Variants in TUBB3 observed in about 807,000 individuals in gnomAD.
The protein encoded by TUBB3 is tubulin beta 3 class III, also known as tubulin beta-3 chain.
A neutral mutation model predicts 37.8 loss-of-function variants in TUBB3; 17 were observed. That is an observed-to-expected ratio of 0.45 (90% CI 0.31 to 0.67). The LOEUF is 0.67. Ranked by LOEUF, TUBB3 falls within the 30% of genes least tolerant of loss-of-function variation. The probability of loss-of-function intolerance (pLI) is 0.07; values close to 1 mark genes in which losing one functional copy is unlikely to be tolerated. For missense variants in TUBB3, 262 were observed against 657.9 expected (o/e 0.40, Z 6.58); for synonymous variants, 332 against 278.9 (o/e 1.19, Z -1.90).
At chr16:89,933,431 C>T (rs375979624) in intron 2 of TUBB3, 37 bp from the exon 3 acceptor site, 2 of 1,527,434 alleles carry the variant, frequency 1.3e-6, no homozygotes, top group African/African-American at 2.7e-5. Flanking sequence ...CTCTGGCCCT[C>T]TGTGACCCGA....
chr16:89,931,385 G>C (rs1191259227), intron 1 of TUBB3, among the ~76,000 whole-genome samples: 2 of 152,246 alleles, frequency 1.3e-5, no homozygotes, highest in Non-Finnish European at 2.9e-5. Context: ...CTCCTGAGGA[G>C]TAAGGGCAAG....
chr16:89,927,723 T>C (rs925099711), intron 1 of TUBB3, among the ~76,000 whole-genome samples: 1 of 152,248 alleles, frequency 6.6e-6, no homozygotes, highest in Non-Finnish European at 1.5e-5. Context: ...CACGTTCATC[T>C]CACAGATGAG....
chr16:89,923,332 G>T, upstream of TUBB3: 2 of 1,344,152 alleles, frequency 1.5e-6, no homozygotes, highest in Non-Finnish European at 1.9e-6. Flanking sequence ...CGCGGCCGCG[G>T]TCCCCGACCC....
chr16:89,925,785 CTG>C (rs952892804), intron 1 of TUBB3, among the ~76,000 whole-genome samples: 3 of 152,218 alleles, frequency 2.0e-5, no homozygotes, highest in Non-Finnish European at 4.4e-5. Context: ...GCTTCCCTGT[CTG>C]GGGTCCTCGG....
At position 89,935,365 on chromosome 16, in the gene TUBB3, C is replaced by T; in HGVS notation, c.914C>T (p.Pro305Leu). 1.9e-6 allele frequency: 3 copies of T among 1,614,080 alleles called. No individual in the cohort carries two copies. The highest frequency in any genetic ancestry group is 2.5e-6 in the Non-Finnish European group (3 of 1,180,034). The change falls in exon 4 of 4, where the codon CCG (proline) becomes CTG (leucine). Residue 305 changes from proline to leucine, a missense_variant. Physicochemically the swap from Pro to Leu is moderately conservative, Grantham distance 98. Coordinates refer to ENST00000315491, the MANE Select transcript of TUBB3 (RefSeq NM_006086.4). Reference protein sequence around the residue: ...DAKNMMAACDPRHGRYLTVAT... With the variant: ...DAKNMMAACDLRHGRYLTVAT... ...AAGAACATGATGGCCGCCTGCGACC[C>T]GCGCCACGGCCGCTACCTGACGGTG...
intron 1 of TUBB3, among the ~76,000 whole-genome samples, chr16:89,926,117 G>T (rs1241604449): frequency 6.6e-6 from 1 of 152,152 alleles, no homozygotes; most frequent in South Asian, 2.1e-4. Context: ...CCCCACTGCC[G>T]CAGAGCTGAA....
intron 1 of TUBB3, among the ~76,000 whole-genome samples, chr16:89,931,233 C>T (rs2030268107): frequency 6.6e-6 from 1 of 152,222 alleles, no homozygotes; most frequent in African/African-American, 2.4e-5. Flanking sequence ...GCTGGGATTA[C>T]AGTCATGAGC....
At chr16:89,928,877 T>G (rs1018895036) in intron 1 of TUBB3, among the ~76,000 whole-genome samples, 1 of 152,010 alleles carries the variant, frequency 6.6e-6, no homozygotes, top group African/African-American at 2.4e-5. Context: ...TTGGTCAGGC[T>G]GGTCTCGAAC....
At chr16:89,934,461 C>G (rs959243749) in intron 3 of TUBB3, 1 of 618,888 alleles carries the variant, frequency 1.6e-6, no homozygotes, top group African/African-American at 1.8e-5. Flanking sequence ...TCCATTCACC[C>G]AGGATCCCCT....
chr16:89,925,150 C>T (rs560641761), intron 1 of TUBB3, among the ~76,000 whole-genome samples: 9 of 152,186 alleles, frequency 5.9e-5, no homozygotes, highest in South Asian at 2.1e-4. Flanking sequence ...TGAGGCTCCA[C>T]GGGTAGCAGA....
At chr16:89,923,280 ACAT>A, upstream of TUBB3, 2 of 736,888 alleles carry the variant, frequency 2.7e-6, no homozygotes, top group Non-Finnish European at 3.7e-6. Context: ...ACCCGCGGTG[ACAT>A]CAGCCGATGC....
chr16:89,930,254 G>A (rs1180207700), intron 1 of TUBB3, among the ~76,000 whole-genome samples: 3 of 151,098 alleles, frequency 2.0e-5, no homozygotes, highest in Admixed American at 6.6e-5. Flanking sequence ...ACAGGTGCGC[G>A]CCACCATGCC....
At position 89,935,354 on chromosome 16, in the gene TUBB3, C is replaced by T. The variant is rs143913140; in HGVS notation, c.903C>T (p.Ala301=). ...TGTTCGATGCCAAGAACATGATGGCCGCCTGCGACCCGCGCCACGGCCGCT... is the reference window on the plus strand; with the variant it reads ...TGTTCGATGCCAAGAACATGATGGCTGCCTGCGACCCGCGCCACGGCCGCT... ...QQMFDAKNMM[A]ACDPRHGRYL... The change falls in exon 4 of 4, where the codon GCC becomes GCT. Residue 301 remains alanine (A), a synonymous_variant. Coordinates refer to ENST00000315491, the MANE Select transcript of TUBB3 (RefSeq NM_006086.4). 29 of 1,613,994 alleles carry T rather than the reference C, an allele frequency of 1.8e-5. No individual in the cohort carries two copies. Among genetic ancestry groups the T allele is most frequent in the African/African-American group, 1.2e-4 (9 of 75,070 alleles).
chr16:89,934,342 G>A (rs1383205330), intron 3 of TUBB3: 4 of 487,034 alleles, frequency 8.2e-6, no homozygotes, highest in African/African-American at 5.8e-5. Flanking sequence ...CATCCAGCTG[G>A]TAGATGCCAA....
At chr16:89,924,468 G>T (rs534407894) in intron 1 of TUBB3, among the ~76,000 whole-genome samples, 3 of 152,074 alleles carry the variant, frequency 2.0e-5, no homozygotes, top group South Asian at 4.2e-4. Flanking sequence ...AGGGGATCGG[G>T]GGGGGAGGCT....
chr16:89,930,546 C>T (rs1380973155), intron 1 of TUBB3, among the ~76,000 whole-genome samples: 1 of 151,770 alleles, frequency 6.6e-6, no homozygotes, highest in African/African-American at 2.4e-5. Context: ...GCCTCAGCTT[C>T]CGGAGTAGCT....
intron 2 of TUBB3, chr16:89,932,920 G>A (rs1372871039): frequency 1.8e-5 from 10 of 565,468 alleles, no homozygotes; most frequent in Non-Finnish European, 2.9e-5. Context: ...GGGCCTGTGC[G>A]TGTCCAGGGG....
chr16:89,931,965 C>A, intron 1 of TUBB3: 1 of 303,512 alleles, frequency 3.3e-6, no homozygotes, highest in East Asian at 8.1e-5. Flanking sequence ...TTTGGGACCC[C>A]AAGGACCCTT....
intron 3 of TUBB3, 47 bp from the exon 4 acceptor site, chr16:89,934,682 T>G (rs1479567046): frequency 6.3e-7 from 1 of 1,585,258 alleles, no homozygotes; most frequent in Non-Finnish European, 8.6e-7. Context: ...AGGTCTGGAC[T>G]GCAGAGTCCC....
Sources: gnomAD v4.1 joint callset for allele counts (sites outside exome capture counted in the v4.1 genomes callset) on GRCh38, gnomAD v4.1.1 for gene constraint, MANE v1.5 for transcripts, NCBI Gene and HGNC (gene_info 2026-07-23, HGNC 2026-07-21) for gene names.